Variants in SCMH1 observed in about 807,000 individuals in gnomAD.
SCMH1 encodes the protein Scm polycomb group protein homolog 1, also known as polycomb protein SCMH1.
In SCMH1, 37 loss-of-function variants were observed where a neutral mutation model predicts 70.8. The observed-to-expected ratio is 0.52, with a 90% CI of 0.40 to 0.69. SCMH1 has a LOEUF of 0.69. SCMH1 is among the 30% of genes least tolerant of loss of function. The pLI is 0.00. For missense variants in SCMH1, 607 were observed against 827.3 expected (o/e 0.73, Z 3.27); for synonymous variants, 292 against 307.4 (o/e 0.95, Z 0.52).
chr1:41,104,256 T>C (rs977970330), intron 8 of SCMH1, among the ~76,000 whole-genome samples: 26 of 152,244 alleles, frequency 1.7e-4, no homozygotes, highest in Admixed American at 4.6e-4. Flanking sequence ...CCTGTAACTG[T>C]GGATAGATAG....
At chr1:41,049,280 G>A (rs72663750) in intron 10 of SCMH1, among the ~76,000 whole-genome samples, 16,165 of 151,386 alleles carry the variant, frequency 0.11, 989 homozygotes, top group South Asian at 0.18. Context: ...GTAAGGCACT[G>A]TGGGGCAATG....
chr1:41,043,545 C>T (rs1357929589), intron 12 of SCMH1: 1 of 151,808 alleles, frequency 6.6e-6, no homozygotes, highest in African/African-American at 2.4e-5. Flanking sequence ...GCCTCAGCCT[C>T]CTGAGTAGCT....
intron 6 of SCMH1, among the ~76,000 whole-genome samples, chr1:41,128,535 T>C (rs968352728): frequency 6.6e-6 from 1 of 152,122 alleles, no homozygotes. Context: ...TCATTCTTTG[T>C]TCTTCTATAT....
At chr1:41,235,388 T>A (rs781700071) in intron 1 of SCMH1, among the ~76,000 whole-genome samples, 1 of 151,442 alleles carries the variant, frequency 6.6e-6, no homozygotes, top group Non-Finnish European at 1.5e-5. Flanking sequence ...CTGACCAACA[T>A]GGTGAAACCC....
chr1:41,148,051 C>A (rs377321941), intron 5 of SCMH1, among the ~76,000 whole-genome samples: 6 of 152,094 alleles, frequency 3.9e-5, no homozygotes, highest in Admixed American at 3.9e-4. Flanking sequence ...AAACATTTTG[C>A]TATTTTTTCC....
chr1:41,168,621 T>A (rs564290389), intron 2 of SCMH1, among the ~76,000 whole-genome samples: 1 of 148,786 alleles, frequency 6.7e-6, no homozygotes, highest in East Asian at 2.0e-4. Flanking sequence ...ATTTCACTTG[T>A]GGAGATTTGT....
chr1:41,240,107 GAAC>G (rs1452015768), intron 1 of SCMH1, among the ~76,000 whole-genome samples: 3 of 152,150 alleles, frequency 2.0e-5, no homozygotes, highest in Non-Finnish European at 4.4e-5. Flanking sequence ...ACATAAAAGG[GAAC>G]AACATTTGCA....
chr1:41,206,622 G>A (rs1173462021), intron 1 of SCMH1, among the ~76,000 whole-genome samples: 4 of 152,154 alleles, frequency 2.6e-5, no homozygotes. Flanking sequence ...CACTCTTCAG[G>A]ATATTATCCA....
chr1:41,159,960 T>A, intron 4 of SCMH1: 1 of 527,128 alleles, frequency 1.9e-6, no homozygotes, highest in Non-Finnish European at 3.0e-6. Context: ...ATGGGATTAT[T>A]ATCCCCATTT....
chr1:41,161,337 C>T, intron 3 of SCMH1, 27 bp downstream of exon 3: 3 of 1,546,916 alleles, frequency 1.9e-6, no homozygotes, highest in Middle Eastern at 3.4e-4. Flanking sequence ...AATTTTTCCA[C>T]ACCAAACGGA....
chr1:41,122,826 C>T (rs1463154169), intron 6 of SCMH1, among the ~76,000 whole-genome samples: 1 of 152,098 alleles, frequency 6.6e-6, no homozygotes, highest in African/African-American at 2.4e-5. Flanking sequence ...CATAAAGAAC[C>T]ACTTCTAAAG....
At chr1:41,196,308 C>G (rs148028093) in intron 1 of SCMH1, among the ~76,000 whole-genome samples, 4 of 151,966 alleles carry the variant, frequency 2.6e-5, no homozygotes, top group Admixed American at 2.6e-4. Flanking sequence ...CTTTCTAATT[C>G]CAGAATGTAC....
intron 1 of SCMH1, among the ~76,000 whole-genome samples, chr1:41,215,510 C>T (rs1399895157): frequency 5.3e-5 from 8 of 152,046 alleles, no homozygotes. Flanking sequence ...ACAATCTTCT[C>T]TTTACCTTCT....
At chr1:41,123,364 T>C (rs148486610) in intron 6 of SCMH1, among the ~76,000 whole-genome samples, 63 of 152,332 alleles carry the variant, frequency 4.1e-4, no homozygotes, top group African/African-American at 1.4e-3. Context: ...GAAGTTACTG[T>C]ATATACTAAA....
chr1:41,131,381 A>AT (rs1674663418), intron 6 of SCMH1, among the ~76,000 whole-genome samples: 1 of 152,140 alleles, frequency 6.6e-6, no homozygotes, highest in South Asian at 2.1e-4. Context: ...TGGGTCCCTT[A>AT]TAAGAATTTT....
At chr1:41,033,826 C>T (rs991657656) in intron 13 of SCMH1, among the ~76,000 whole-genome samples, 157 bp downstream of exon 14, 8 of 152,190 alleles carry the variant, frequency 5.3e-5, no homozygotes, top group Admixed American at 3.9e-4. Context: ...AATGACCTGG[C>T]AGACAGACTC....
intron 1 of SCMH1, among the ~76,000 whole-genome samples, chr1:41,199,870 TA>T (rs1653895317): frequency 6.6e-6 from 1 of 152,128 alleles, no homozygotes; most frequent in Non-Finnish European, 1.5e-5. Context: ...CCCCTGAATC[TA>T]AATTAAAATT....
rs77223637 is a variant in SCMH1 at position 41,166,212 on chromosome 1, A to G, written c.14-4780T>C. On this transcript the variant is annotated intron_variant, in intron 2 of 14. Coordinates refer to ENST00000337495, the Ensembl canonical transcript of SCMH1. ...TTCATTGGTAGACTTGTCTGTTTTT[A>G]TGCCAGCATCATGCTTTTTTGATTG... Among the ~76,000 whole-genome samples, 1,174 of 152,140 alleles carry G rather than the reference A, an allele frequency of 7.7e-3. 19 individuals are homozygous for G. The highest frequency in any genetic ancestry group is 0.027 in the African/African-American group (1,130 of 41,518).
chr1:41,056,949 TC>T (rs1276462464), intron 10 of SCMH1, among the ~76,000 whole-genome samples: 1 of 152,216 alleles, frequency 6.6e-6, no homozygotes, highest in Non-Finnish European at 1.5e-5. Context: ...AACAAGGTCT[TC>T]CCTCAGGAGA....
Sources: allele counts gnomAD v4.1 joint callset (sites outside exome capture counted in the v4.1 genomes callset), GRCh38; gene constraint gnomAD v4.1.1; transcripts MANE v1.5; gene names NCBI Gene and HGNC (gene_info 2026-07-23, HGNC 2026-07-21).